COBL: variants seen among roughly 807,000 people sequenced by gnomAD.
The protein encoded by COBL is cordon-bleu WH2 repeat protein.
COBL carries 51 observed loss-of-function variants against 98.8 expected under a neutral mutation model. The ratio of observed to expected loss-of-function variants is 0.52; its 90% CI spans 0.41 to 0.65. COBL has a LOEUF of 0.65. COBL is among the 30% of genes least tolerant of loss of function. The probability of loss-of-function intolerance (pLI) is 0.00; values close to 1 mark genes in which losing one functional copy is unlikely to be tolerated. For missense variants in COBL, 1,617 were observed against 1,617.5 expected (o/e 1.00, Z 0.01); for synonymous variants, 634 against 651.7 (o/e 0.97, Z 0.41).
intron 1 of COBL, among the ~76,000 whole-genome samples, chr7:51,285,436 T>A (rs1013185999): frequency 1.1e-4 from 16 of 149,462 alleles, no homozygotes; most frequent in African/African-American, 3.7e-4. Flanking sequence ...AGCAAGCTCA[T>A]GGAATACAAA....
intron 6 of COBL, among the ~76,000 whole-genome samples, chr7:51,100,537 A>G (rs1018476098): frequency 1.3e-5 from 2 of 152,220 alleles, no homozygotes; most frequent in African/African-American, 2.4e-5. Flanking sequence ...AATAATAACG[A>G]CATATTCCAG....
chr7:51,032,373 T>C (rs951616891), intron 8 of COBL: 2 of 152,238 alleles, frequency 1.3e-5, no homozygotes, highest in African/African-American at 4.8e-5. Context: ...ATTTTCCTAT[T>C]GTGCAGAAAA....
In COBL at chr7:51,192,299, T is replaced by C. The variant is rs188006051; in HGVS notation, c.456+1080A>G. ...TTTAATTTTAGCTAAAAGATTAATA[T>C]CAAAGCCTTATTTAAAAGTACAATA... On this transcript the variant is annotated intron_variant, in intron 3 of 12. Coordinates refer to ENST00000265136, the MANE Select transcript of COBL (RefSeq NM_015198.5). Among the ~76,000 whole-genome samples the C allele has an allele frequency of 3.3e-3, 510 of 152,280 alleles. 1 individual carries two copies. Among genetic ancestry groups the C allele is most frequent in the Non-Finnish European group, 4.7e-3 (322 of 68,026 alleles).
At chr7:51,031,997 C>G (rs1788208474) in intron 8 of COBL, 1 of 152,406 alleles carries the variant, frequency 6.6e-6, no homozygotes, top group South Asian at 2.1e-4. Flanking sequence ...TTTGTGCCAG[C>G]CCCCGCACAG....
rs67807746 is a variant in COBL, at chr7:51,187,310, GTATA to G, written c.686-3115_686-3112del. 0.012 allele frequency among the ~76,000 whole-genome samples: 1,650 copies of G among 138,306 alleles called. 56 individuals are homozygous for G. In the South Asian group the frequency reaches 0.14, roughly 12 times the overall value. 90.7% of individuals were successfully genotyped at this position (138,306 alleles called of 152,430 possible). A position where few individuals can be genotyped will look rare whatever the true frequency, so the allele number is the denominator to read the frequency against. On this transcript the variant is annotated intron_variant, in intron 4 of 12. Transcript: ENST00000265136. ...TATATACATATATGTATATGTTTAA[GTATA>G]TATATATATATATATATACACACAC...
chr7:51,163,589 G>A (rs1787022646), intron 5 of COBL, among the ~76,000 whole-genome samples: 2 of 152,166 alleles, frequency 1.3e-5, no homozygotes, highest in African/African-American at 2.4e-5. Context: ...CATAGGAAAA[G>A]TCACCCTTGA....
intron 6 of COBL, among the ~76,000 whole-genome samples, chr7:51,122,279 C>G (rs11981699): frequency 1.3e-5 from 2 of 152,180 alleles, no homozygotes; most frequent in Non-Finnish European, 2.9e-5. Context: ...GTTAGCTGCC[C>G]GGCTATTTCC....
At chr7:51,036,981 T>C (rs776808691) in intron 8 of COBL, among the ~76,000 whole-genome samples, 62 of 152,190 alleles carry the variant, frequency 4.1e-4, no homozygotes, top group Non-Finnish European at 7.3e-5. Flanking sequence ...CAAGAGTTTA[T>C]AATCAGTGCT....
chr7:51,061,954 C>CACACACACACACACAT (rs1365958224), intron 7 of COBL, among the ~76,000 whole-genome samples: 19 of 40,426 alleles, frequency 4.7e-4, no homozygotes, highest in African/African-American at 7.8e-4. Context: ...CATAGATACA[C>CACACACACACACACAT]ACACACACAC....
chr7:51,054,187 C>G (rs982376576), intron 7 of COBL, among the ~76,000 whole-genome samples: 1 of 152,138 alleles, frequency 6.6e-6, no homozygotes, highest in African/African-American at 2.4e-5. Flanking sequence ...CTGTCTCAAT[C>G]AATCAAACAA....
chr7:51,175,730 A>G (rs912350526), intron 5 of COBL, among the ~76,000 whole-genome samples: 3 of 152,260 alleles, frequency 2.0e-5, no homozygotes, highest in African/African-American at 7.2e-5. Flanking sequence ...GAAGGTTAAC[A>G]TCCAGGGAGA....
At chr7:51,216,203 G>A (rs773057911) in intron 2 of COBL, among the ~76,000 whole-genome samples, 6 of 151,774 alleles carry the variant, frequency 4.0e-5, no homozygotes, top group African/African-American at 4.8e-5. Flanking sequence ...TTTTTTTGAC[G>A]GAGTCTCAAC....
At chr7:51,227,198 T>C (rs1794292958) in intron 1 of COBL, among the ~76,000 whole-genome samples, 1 of 152,138 alleles carries the variant, frequency 6.6e-6, no homozygotes, top group Non-Finnish European at 1.5e-5. Context: ...AGACGCCCCC[T>C]TTACTCTGAT....
At chr7:51,075,340 C>A in intron 7 of COBL, among the ~76,000 whole-genome samples, 1 of 152,138 alleles carries the variant, frequency 6.6e-6, no homozygotes, top group South Asian at 2.1e-4. Flanking sequence ...TGATTTCCTG[C>A]TATTGACATC....
chr7:51,140,572 T>A (rs1000842508), intron 5 of COBL, among the ~76,000 whole-genome samples: 6 of 152,222 alleles, frequency 3.9e-5, no homozygotes, highest in African/African-American at 1.4e-4. Flanking sequence ...TATGTACATA[T>A]TTGATTGCTT....
chr7:51,154,204 A>G (rs544621641), intron 5 of COBL, among the ~76,000 whole-genome samples: 1 of 152,324 alleles, frequency 6.6e-6, no homozygotes, highest in African/African-American at 2.4e-5. Flanking sequence ...TCAGAGTTCC[A>G]TGCATATTCT....
intron 7 of COBL, 107 bp downstream of exon 7, chr7:51,085,059 G>C (rs951328838): frequency 6.6e-7 from 1 of 1,526,614 alleles, no homozygotes; most frequent in East Asian, 2.3e-5. Flanking sequence ...TATTTTTTGG[G>C]TTAATGTCAT....
chr7:51,172,590 T>C (rs10240451), intron 5 of COBL: 1 of 1,201,448 alleles, frequency 8.3e-7, no homozygotes, highest in Non-Finnish European at 1.1e-6. Flanking sequence ...GAAAACATAG[T>C]CCTTAGCGAT....
chr7:51,065,772 G>C (rs1465588189), intron 7 of COBL, among the ~76,000 whole-genome samples: 1 of 152,250 alleles, frequency 6.6e-6, no homozygotes, highest in Non-Finnish European at 1.5e-5. Context: ...GGAACCTCCA[G>C]TACTTCAGAA....
Sources: allele counts gnomAD v4.1 joint callset (sites outside exome capture counted in the v4.1 genomes callset), GRCh38; gene constraint gnomAD v4.1.1; transcripts MANE v1.5; gene names NCBI Gene and HGNC (gene_info 2026-07-23, HGNC 2026-07-21).